MRRF: variants seen among roughly 807,000 people sequenced by gnomAD.
The protein encoded by MRRF is mitochondrial ribosome recycling factor, also known as ribosome-recycling factor, mitochondrial.
Under a neutral mutation model 25.1 loss-of-function variants are expected in MRRF, and 18 were observed. That is an observed-to-expected ratio of 0.72 (90% CI 0.50 to 1.06). The LOEUF (loss-of-function observed/expected upper bound fraction) is 1.06. Among genes scored for constraint, MRRF ranks in the 50% least tolerant of loss-of-function variants. MRRF has a pLI of 0.00. For synonymous variants in MRRF, 113 were observed against 112.1 expected (o/e 1.01, Z -0.05); for missense variants, 323 against 319.3 (o/e 1.01, Z -0.09).
chr9:122,310,481 T>C (rs1480136962), intron 5 of MRRF, among the ~76,000 whole-genome samples: 2 of 152,242 alleles, frequency 1.3e-5, no homozygotes, highest in African/African-American at 4.8e-5. Context: ...GCACTTTGCA[T>C]TCTTCTGCAG....
At chr9:122,292,478 A>T (rs1265347981) in intron 5 of MRRF, among the ~76,000 whole-genome samples, 1 of 152,324 alleles carries the variant, frequency 6.6e-6, no homozygotes, top group Middle Eastern at 3.4e-3. Flanking sequence ...TAAGTGAATA[A>T]AAATGTTCAT....
chr9:122,287,175 G>A (rs771719038), intron 4 of MRRF, among the ~76,000 whole-genome samples: 33 of 152,026 alleles, frequency 2.2e-4, no homozygotes, highest in Admixed American at 7.2e-4. Flanking sequence ...TTTCTTTATT[G>A]CACTTATTAC....
chr9:122,292,328 T>G (rs187459418), intron 5 of MRRF, among the ~76,000 whole-genome samples: 1 of 152,272 alleles, frequency 6.6e-6, no homozygotes, highest in East Asian at 1.9e-4. Flanking sequence ...GCCTCCAGTT[T>G]GAAAAGACCT....
At chr9:122,321,305 C>T (rs1333876720) in intron 6 of MRRF, among the ~76,000 whole-genome samples, 1 of 152,094 alleles carries the variant, frequency 6.6e-6, no homozygotes, top group African/African-American at 2.4e-5. Context: ...ATGATATGTA[C>T]TGGAATGTTA....
intron 3 of MRRF, 130 bp from the exon 4 acceptor site, chr9:122,285,039 C>T: frequency 2.8e-6 from 2 of 709,026 alleles, no homozygotes; most frequent in Admixed American, 4.1e-5. Flanking sequence ...ATTCCTCCCA[C>T]TTCACTCCCA....
chr9:122,297,170 G>C (rs1046460538), intron 5 of MRRF, among the ~76,000 whole-genome samples: 3 of 152,240 alleles, frequency 2.0e-5, no homozygotes, highest in Middle Eastern at 3.4e-3. Context: ...AAAATTAGCT[G>C]GGCATGGTGG....
Position 122,322,541 on chromosome 9 carries a change from T to C in MRRF, c.713T>C (p.Ile238Thr). The C allele has an allele frequency of 6.2e-7, 1 of 1,614,138 alleles. No individual in the cohort carries two copies. The highest frequency in any genetic ancestry group is 8.5e-7 in the Non-Finnish European group (1 of 1,180,012). The change falls in exon 7 of 7, where the codon ATC (isoleucine) becomes ACC (threonine). Residue 238 changes from isoleucine to threonine, a missense_variant and splice_region_variant. By Grantham distance (89) the Ile-to-Thr change is moderately conservative. Coordinates refer to ENST00000344641, the MANE Select transcript of MRRF (RefSeq NM_138777.5). ...CTGTCTCATTTTGTGTTCTTGCAGA[T>C]CAGCCAAATGGCCGATGACACAGTG... ...EDTIRLIEKQ[I>T]SQMADDTVAE...
chr9:122,305,622 G>T (rs1318057995), intron 5 of MRRF, among the ~76,000 whole-genome samples: 1 of 152,186 alleles, frequency 6.6e-6, no homozygotes, highest in East Asian at 1.9e-4. Context: ...TAGTACTGAA[G>T]GGGAGCAGAT....
At chr9:122,308,181 C>T (rs1012195750) in intron 5 of MRRF, among the ~76,000 whole-genome samples, 4 of 152,064 alleles carry the variant, frequency 2.6e-5, no homozygotes, top group Admixed American at 1.3e-4. Context: ...CTGACCCTAG[C>T]GGAAAAGGCT....
At chr9:122,285,067 G>T in intron 3 of MRRF, 102 bp from the exon 4 acceptor site, 1 of 764,330 alleles carries the variant, frequency 1.3e-6, no homozygotes, top group Non-Finnish European at 2.3e-6. Context: ...GGGATAACAG[G>T]CATGAGCCAC....
At chr9:122,284,919 C>T (rs1303449664) in intron 3 of MRRF, among the ~76,000 whole-genome samples, 3 of 152,254 alleles carry the variant, frequency 2.0e-5, no homozygotes, top group Non-Finnish European at 2.9e-5. Flanking sequence ...TGCTGAGTAG[C>T]TCATCTTCCA....
chr9:122,329,651 G>A lies in MRRF; in HGVS notation c.*7034G>A, dbSNP rs1370962401. 1 of 152,312 alleles carries A rather than the reference G, an allele frequency of 6.6e-6. No individual in the cohort carries two copies. Among genetic ancestry groups the A allele is most frequent in the Non-Finnish European group, 1.5e-5 (1 of 68,158 alleles). 9.4% of individuals were successfully genotyped at this position (152,312 alleles called of 1,614,324 possible). ...CTCCCCTCATCCAATAAGTCACCAA[G>A]TCCTGTCAATTCTCCCTTCAACAGA... is the stretch of plus-strand genomic sequence containing the variant. On this transcript the variant is annotated 3_prime_UTR_variant, in exon 7 of 7. Coordinates refer to ENST00000344641, the MANE Select transcript of MRRF (RefSeq NM_138777.5).
intron 5 of MRRF, among the ~76,000 whole-genome samples, chr9:122,303,484 G>T (rs775090231): frequency 6.6e-6 from 1 of 151,386 alleles, no homozygotes; most frequent in Admixed American, 6.6e-5. Context: ...GGGCTCAAGC[G>T]ATCCTCCCAC....
rs778008249 is a variant in MRRF, at chr9:122,270,995, A to C, written c.104A>C (p.His35Pro). The change falls in exon 2 of 7, where the codon CAT (histidine) becomes CCT (proline). Residue 35 changes from histidine (H) to proline (P), a missense_variant. By Grantham distance (77) the His-to-Pro change is moderately conservative. Transcript: ENST00000344641. ...TCAGAAGTTACACTGAAGACAGTGC[A>C]TGAAAGACAACATGGCCATAGGCAA... ...PVSEVTLKTVHERQHGHRQYM... is the reference protein window; with the variant it reads ...PVSEVTLKTVPERQHGHRQYM... 3.1e-6 allele frequency: 5 copies of C among 1,614,200 alleles called. No individual in the cohort carries two copies. The highest frequency in any genetic ancestry group is 4.2e-6 in the Non-Finnish European group (5 of 1,180,040).
At chr9:122,307,891 GC>G (rs1834955113) in intron 5 of MRRF, among the ~76,000 whole-genome samples, 1 of 152,184 alleles carries the variant, frequency 6.6e-6, no homozygotes, top group African/African-American at 2.4e-5. Flanking sequence ...CCTGAGCTGA[GC>G]CTGGCTTCCT....
intron 5 of MRRF, among the ~76,000 whole-genome samples, chr9:122,302,951 A>T (rs531766303): frequency 6.6e-6 from 1 of 152,146 alleles, no homozygotes; most frequent in Non-Finnish European, 1.5e-5. Flanking sequence ...CTGATGACTG[A>T]TGGTGCTAAG....
rs151283178 is a variant in MRRF at position 122,323,717 on chromosome 9, A to G, written c.*1100A>G. On this transcript the variant is annotated 3_prime_UTR_variant, in exon 7 of 7. Transcript: ENST00000344641. ...TTAGGTATAGTTCTAGGCATTATTT[A>G]TAATCTTGACAGTAAACTTAAGAGA... 1.4e-3 allele frequency: 210 copies of G among 152,328 alleles called. 1 individual carries two copies. Among genetic ancestry groups the G allele is most frequent in the African/African-American group, 4.6e-3 (193 of 41,572 alleles). The allele number at this position is 152,328 out of a possible 1,614,324, so 9.4% of individuals were successfully genotyped here.
In MRRF at chr9:122,330,528, G is replaced by A. The variant is rs1329814616; in HGVS notation, c.*7911G>A. Reference sequence around the variant, plus strand: ...GCCTCCTCTTCCTGATAATAATAGTGGCTAACAAGTTTTACTAGATTTTAG... The same window carrying A: ...GCCTCCTCTTCCTGATAATAATAGTAGCTAACAAGTTTTACTAGATTTTAG... On this transcript the variant is annotated 3_prime_UTR_variant, in exon 7 of 7. Transcript: ENST00000344641. The surrounding 1 kb of genome is among the most constrained non-coding windows in gnomAD (Gnocchi z 4.2). 1 of 152,174 alleles carries A rather than the reference G, an allele frequency of 6.6e-6. No individual in the cohort carries two copies. Among genetic ancestry groups the A allele is most frequent in the Non-Finnish European group, 1.5e-5 (1 of 68,044 alleles). The allele number at this position is 152,174 out of a possible 1,614,324, so 9.4% of individuals were successfully genotyped here.
chr9:122,278,925 G>A (rs7847957), intron 2 of MRRF, among the ~76,000 whole-genome samples: 2,004 of 151,786 alleles, frequency 0.013, 25 homozygotes, highest in East Asian at 0.056. Flanking sequence ...AGGCTGAAGT[G>A]CAGTGGCACT....
Sources: gnomAD v4.1 joint callset for allele counts (sites outside exome capture counted in the v4.1 genomes callset) on GRCh38, gnomAD v4.1.1 for gene constraint, Gnocchi (gnomAD v3.1) non-coding constraint, MANE v1.5 for transcripts, NCBI Gene and HGNC (gene_info 2026-07-23, HGNC 2026-07-21) for gene names.